CDKN2B-AS1: variants seen among roughly 807,000 people sequenced by gnomAD.
CDKN2B-AS1 encodes the protein CDKN2B antisense RNA 1 (non-protein coding).
rs952618947 is a variant in CDKN2B-AS1 at position 22,005,146 on chromosome 9, G to A, written n.29+9985G>A. On this transcript the variant is annotated intron_variant and non_coding_transcript_variant, in intron 1 of 4. Transcript: ENST00000650946. This position sits in a 1 kb window ranked among gnomAD's most constrained non-coding sequence, Gnocchi z 4.9. ...TGTGTGTGTGTGTGTGTGTGTGAAA[G>A]AAAACGTTACAGTTAACCGTTACAA... 1 of 229,620 alleles carries A rather than the reference G, an allele frequency of 4.4e-6. No individual in the cohort carries two copies. Among genetic ancestry groups the A allele is most frequent in the Non-Finnish European group, 8.6e-6 (1 of 116,766 alleles). The allele number at this position is 229,620 out of a possible 1,614,324, so 14.2% of individuals were successfully genotyped here. A position where few individuals can be genotyped will look rare whatever the true frequency, so the allele number is the denominator to read the frequency against.
At chr9:22,070,669 C>G (rs982155903) in intron 4 of CDKN2B-AS1, among the ~76,000 whole-genome samples, 2 of 152,182 alleles carry the variant, frequency 1.3e-5, no homozygotes, top group Non-Finnish European at 2.9e-5. Flanking sequence ...TCAGGCAGAG[C>G]TGAAATGTTG....
In CDKN2B-AS1 at chr9:22,005,846, C is replaced by CT; in HGVS notation, n.29+10687dup. 1 of 1,182,950 alleles carries CT rather than the reference C, an allele frequency of 8.5e-7. No homozygotes were observed. The highest frequency in any genetic ancestry group is 1.2e-6 in the Non-Finnish European group (1 of 833,624). 73.3% of individuals were successfully genotyped at this position (1,182,950 alleles called of 1,614,324 possible). A position where few individuals can be genotyped will look rare whatever the true frequency, so the allele number is the denominator to read the frequency against. On this transcript the variant is annotated intron_variant and non_coding_transcript_variant, in intron 1 of 4. Transcript: ENST00000650946. This position sits in a 1 kb window ranked among gnomAD's most constrained non-coding sequence, Gnocchi z 4.9. ...GAAGGTTATTCCCGGTCGGCTCCTC[C>CT]TTCCTGTGAGTCTCAGACAGGCTTG... is the stretch of plus-strand genomic sequence containing the variant.
intron 1 of CDKN2B-AS1, among the ~76,000 whole-genome samples, chr9:22,010,840 A>C (rs1448389479): frequency 1.3e-5 from 2 of 152,242 alleles, no homozygotes; most frequent in East Asian, 3.8e-4. Flanking sequence ...AGGACAAGAT[A>C]GTCTGACCCA....
intron 1 of CDKN2B-AS1, among the ~76,000 whole-genome samples, chr9:22,035,020 C>G (rs1325365546): frequency 6.6e-6 from 1 of 152,064 alleles, no homozygotes; most frequent in Non-Finnish European, 1.5e-5. Context: ...ATAATAAAAC[C>G]TGCTTCACAA....
chr9:22,126,246 T>C (rs1818022152), intron 4 of CDKN2B-AS1, among the ~76,000 whole-genome samples: 1 of 152,210 alleles, frequency 6.6e-6, no homozygotes, highest in Non-Finnish European at 1.5e-5. Context: ...AGGGCAATCA[T>C]ACATCCATGT....
intron 4 of CDKN2B-AS1, among the ~76,000 whole-genome samples, chr9:22,096,219 G>A (rs1825270608): frequency 6.6e-6 from 1 of 152,238 alleles, no homozygotes. Context: ...GAACTGGAGA[G>A]TGAGGCAGAA....
intron 4 of CDKN2B-AS1, among the ~76,000 whole-genome samples, chr9:22,063,360 A>C (rs1823903307): frequency 6.6e-6 from 1 of 152,146 alleles, no homozygotes; most frequent in Non-Finnish European, 1.5e-5. Context: ...AATGAAGAAG[A>C]AAATTATGTT....
rs3028395 is a variant in CDKN2B-AS1, at chr9:22,045,038, T to TTGTGTGTGTGTGTGTGTGTGTGTG, written n.30-1703_30-1680dup. Among the ~76,000 whole-genome samples the TTGTGTGTGTGTGTGTGTGTGTGTG allele has an allele frequency of 9.9e-4, 141 of 141,946 alleles. 1 individual carries two copies. Among genetic ancestry groups the TTGTGTGTGTGTGTGTGTGTGTGTG allele is most frequent in the African/African-American group, 3.7e-3 (136 of 36,566 alleles). The allele number at this position is 141,946 out of a possible 152,430, so 93.1% of individuals were successfully genotyped here. ...TTTCTTTTGGAAAAATATTATTTAT[T>TTGTGTGTGTGTGTGTGTGTGTGTG]TGTGTGTGTGTGTGTGTGTGTGTGT... On this transcript the variant is annotated intron_variant and non_coding_transcript_variant, in intron 1 of 4. Transcript: ENST00000650946.
At chr9:22,037,165 T>C (rs982025904) in intron 1 of CDKN2B-AS1, among the ~76,000 whole-genome samples, 2 of 152,112 alleles carry the variant, frequency 1.3e-5, no homozygotes. Context: ...AAGAAATGTG[T>C]GTTAGAGAAA....
At chr9:22,050,948 T>A (rs1360370144) in intron 3 of CDKN2B-AS1, among the ~76,000 whole-genome samples, 4 of 152,108 alleles carry the variant, frequency 2.6e-5, no homozygotes, top group Non-Finnish European at 5.9e-5. Flanking sequence ...ACGGCTACCG[T>A]TTTTGCAGCT....
At chr9:22,023,291 C>A (rs1822087022) in intron 1 of CDKN2B-AS1, among the ~76,000 whole-genome samples, 1 of 152,048 alleles carries the variant, frequency 6.6e-6, no homozygotes, top group Non-Finnish European at 1.5e-5. Context: ...TCTATATAAT[C>A]CTATATTTCT....
chr9:22,100,084 G>T (rs1344407516), intron 4 of CDKN2B-AS1, among the ~76,000 whole-genome samples: 1 of 152,116 alleles, frequency 6.6e-6, no homozygotes, highest in Non-Finnish European at 1.5e-5. Context: ...TTGGTTATGG[G>T]ATAAAGGCGA....
chr9:22,026,938 C>G (rs1376745513), intron 1 of CDKN2B-AS1, among the ~76,000 whole-genome samples: 1 of 152,138 alleles, frequency 6.6e-6, no homozygotes, highest in Non-Finnish European at 1.5e-5. Flanking sequence ...TACCACTTCC[C>G]TGGGAAGGGG....
In CDKN2B-AS1 at chr9:21,997,438, T is replaced by C. The variant is rs3218024; in HGVS notation, n.29+2277T>C. Among the ~76,000 whole-genome samples, 327 of 151,878 alleles carry C rather than the reference T, an allele frequency of 2.2e-3. 2 individuals are homozygous for C. The highest frequency in any genetic ancestry group is 3.7e-3 in the Admixed American group (57 of 15,256). On this transcript the variant is annotated intron_variant and non_coding_transcript_variant, in intron 1 of 4. Transcript: ENST00000650946. This position sits in a 1 kb window ranked among gnomAD's most constrained non-coding sequence, Gnocchi z 4.8. Reference sequence around the variant, plus strand: ...TACAATTTTATATATACGTACATTATATGTCTACACACACATATGTGGGGG... The same window carrying C: ...TACAATTTTATATATACGTACATTACATGTCTACACACACATATGTGGGGG...
intron 4 of CDKN2B-AS1, chr9:22,056,529 G>T (rs991835774): frequency 2.0e-5 from 3 of 152,244 alleles, no homozygotes; most frequent in Non-Finnish European, 2.9e-5. Flanking sequence ...ACAGTGAGCC[G>T]CATGGACACA....
chr9:22,102,044 C>G (rs72652478), intron 4 of CDKN2B-AS1, among the ~76,000 whole-genome samples: 5,239 of 152,250 alleles, frequency 0.034, 119 homozygotes, highest in Middle Eastern at 0.071. Context: ...CCACAGAGTG[C>G]TGTTTGCCTG....
rs567013714 is a variant in CDKN2B-AS1, at chr9:22,067,538, A to T, written n.438+11151A>T. Among the ~76,000 whole-genome samples, 148 of 152,054 alleles carry T rather than the reference A, an allele frequency of 9.7e-4. 1 individual carries two copies. Among genetic ancestry groups the T allele is most frequent in the Admixed American group, 2.4e-3 (37 of 15,276 alleles). On this transcript the variant is annotated intron_variant and non_coding_transcript_variant, in intron 4 of 4. Coordinates refer to ENST00000650946, the Ensembl canonical transcript of CDKN2B-AS1. ...AAAAATAAAAAGAACACACACACACACGCACGCACACACACACGCACGCAC... is the reference window on the plus strand; with the variant it reads ...AAAAATAAAAAGAACACACACACACTCGCACGCACACACACACGCACGCAC...
chr9:22,008,799 T>C lies in CDKN2B-AS1; in HGVS notation n.29+13638T>C, dbSNP rs769168016. Reference sequence around the variant, plus strand: ...GCGAGGCCCTGGGGCCCCAGCTACCTGGATCGCGCGCCTCCCGAAACGGTT... The same window carrying C: ...GCGAGGCCCTGGGGCCCCAGCTACCCGGATCGCGCGCCTCCCGAAACGGTT... On this transcript the variant is annotated intron_variant and non_coding_transcript_variant, in intron 1 of 4. Coordinates refer to ENST00000650946, the Ensembl canonical transcript of CDKN2B-AS1. The C allele has an allele frequency of 2.5e-6, 4 of 1,605,368 alleles. No homozygotes were observed. The highest frequency in any genetic ancestry group is 3.4e-6 in the Non-Finnish European group (4 of 1,175,744).
intron 1 of CDKN2B-AS1, chr9:22,003,126 C>T: frequency 4.6e-6 from 1 of 215,452 alleles, no homozygotes. Flanking sequence ...ACAAATTTAA[C>T]AGTATATATT....
Sources: allele counts gnomAD v4.1 joint callset (sites outside exome capture counted in the v4.1 genomes callset), GRCh38; gene constraint gnomAD v4.1.1; non-coding constraint Gnocchi (gnomAD v3.1); transcripts MANE v1.5; gene names NCBI Gene and HGNC (gene_info 2026-07-23, HGNC 2026-07-21).